Variants in KIRREL3 observed in about 807,000 individuals in gnomAD.
KIRREL3 encodes the protein kin of IRRE-like protein 3.
A neutral mutation model predicts 89.7 loss-of-function variants in KIRREL3; 36 were observed. The ratio of observed to expected loss-of-function variants is 0.40; its 90% confidence interval spans 0.31 to 0.53. KIRREL3 has a LOEUF of 0.53. KIRREL3 is among the 20% of genes least tolerant of loss of function. KIRREL3 has a pLI of 0.49. For missense variants in KIRREL3, 864 were observed against 1,056.6 expected, an observed-to-expected ratio of 0.82 and a Z score of 2.53; for synonymous variants, 445 against 441.4, an observed-to-expected ratio of 1.01 and a Z score of -0.10.
At chr11:126,911,844 G>A (rs1287988565) in intron 1 of KIRREL3, among the ~76,000 whole-genome samples, 4 of 152,068 alleles carry the variant, frequency 2.6e-5, no homozygotes, top group Non-Finnish European at 4.4e-5. Flanking sequence ...TTAGCCGGGC[G>A]CGGTGGCGGG....
At chr11:126,818,624 A>AGTGT (rs758712840) in intron 1 of KIRREL3, among the ~76,000 whole-genome samples, 5,272 of 56,460 alleles carry the variant, frequency 0.093, 131 homozygotes, top group Non-Finnish European at 0.11. Context: ...TAGTAGTAGT[A>AGTGT]GTGTGTGTGT....
At chr11:126,813,296 A>G (rs1951449555) in intron 1 of KIRREL3, among the ~76,000 whole-genome samples, 1 of 152,182 alleles carries the variant, frequency 6.6e-6, no homozygotes, top group African/African-American at 2.4e-5. Context: ...GATTCACTTC[A>G]AAATCATTAA....
rs1938655390 is a variant in KIRREL3 at position 126,544,803 on chromosome 11, T to C, written c.133+18032A>G. Among the ~76,000 whole-genome samples the C allele has an allele frequency of 6.6e-6, 1 of 152,158 alleles. No individual in the cohort carries two copies. The highest frequency in any genetic ancestry group is 1.5e-5 in the Non-Finnish European group (1 of 68,032). ...CCGTTGCTGCCTGGGAAGCAGCCAT[T>C]CCTGGACACTTGGCCGACATTCCTG... On this transcript the variant is annotated intron_variant, in intron 2 of 16. Transcript: ENST00000525144. This position sits in a 1 kb window ranked among gnomAD's most constrained non-coding sequence, Gnocchi z 5.6.
Position 126,655,335 on chromosome 11 carries a change from G to T in KIRREL3, c.56-92423C>A, listed in dbSNP as rs777474248. Among the ~76,000 whole-genome samples the T allele has an allele frequency of 6.6e-6, 1 of 152,180 alleles. No homozygotes were observed. The highest frequency in any genetic ancestry group is 6.5e-5 in the Admixed American group (1 of 15,288). ...TTAGGTCAGGGCTTGCAGAGGCAGG[G>T]ACTTGCCAAGGTGCTAACTGCCTGA... On this transcript the variant is annotated intron_variant, in intron 1 of 16. Transcript: ENST00000525144. This position sits in a 1 kb window ranked among gnomAD's most constrained non-coding sequence, Gnocchi z 5.0.
Position 126,891,817 on chromosome 11 carries a change from T to G in KIRREL3, c.55+108638A>C, listed in dbSNP as rs1006747949. On this transcript the variant is annotated intron_variant, in intron 1 of 16. Transcript: ENST00000525144. The surrounding 1 kb of genome is among the most constrained non-coding windows in gnomAD (Gnocchi z 5.1). ...GTGGACACAATCCAGGACTTCCCAG[T>G]GAGGTCTGTCTTTTCTTTGAAAGGG... Among the ~76,000 whole-genome samples, 3 of 152,194 alleles carry G rather than the reference T, an allele frequency of 2.0e-5. No individual in the cohort carries two copies. The highest frequency in any genetic ancestry group is 2.9e-5 in the Non-Finnish European group (2 of 68,032).
chr11:126,793,265 T>C (rs1405614969), intron 1 of KIRREL3, among the ~76,000 whole-genome samples: 1 of 152,172 alleles, frequency 6.6e-6, no homozygotes, highest in Non-Finnish European at 1.5e-5. Flanking sequence ...GGGGCTTTCT[T>C]GTTGTATTCA....
At position 126,565,503 on chromosome 11, in the gene KIRREL3, C is replaced by T. The variant is rs1437077681; in HGVS notation, c.56-2591G>A. Among the ~76,000 whole-genome samples, 9 of 152,218 alleles carry T rather than the reference C, an allele frequency of 5.9e-5. No individual in the cohort carries two copies. The highest frequency in any genetic ancestry group is 5.8e-4 in the East Asian group (3 of 5,176). ...CGTGGGTTAGTCTTAATTATTTAGG[C>T]GGCTACGTTACAAGGCGCTAATAAG... is the stretch of plus-strand genomic sequence containing the variant. On this transcript the variant is annotated intron_variant, in intron 1 of 16. Transcript: ENST00000525144. The surrounding 1 kb of genome is among the most constrained non-coding windows in gnomAD (Gnocchi z 5.4).
At chr11:126,688,256 T>A (rs189973343) in intron 1 of KIRREL3, among the ~76,000 whole-genome samples, 2 of 152,220 alleles carry the variant, frequency 1.3e-5, no homozygotes, top group African/African-American at 4.8e-5. Context: ...TCAATCACCT[T>A]CCTTTTCCAT....
intron 1 of KIRREL3, among the ~76,000 whole-genome samples, chr11:126,602,744 C>T (rs1330599857): frequency 6.6e-6 from 1 of 152,202 alleles, no homozygotes; most frequent in Non-Finnish European, 1.5e-5. Flanking sequence ...CTTGGCACCA[C>T]GGCCTTGATA....
chr11:126,868,632 CG>C (rs1182490267), intron 1 of KIRREL3, among the ~76,000 whole-genome samples: 1 of 152,096 alleles, frequency 6.6e-6, no homozygotes, highest in Non-Finnish European at 1.5e-5. Context: ...ACTATAAGCC[CG>C]GATTCTATCC....
chr11:126,511,762 T>C (rs1958229656), intron 4 of KIRREL3, among the ~76,000 whole-genome samples: 1 of 152,226 alleles, frequency 6.6e-6, no homozygotes, highest in Admixed American at 6.5e-5. Context: ...AAGGCTTCCA[T>C]TTAGTGGCAT....
chr11:126,743,539 G>C (rs1460836599), intron 1 of KIRREL3, among the ~76,000 whole-genome samples: 2 of 152,214 alleles, frequency 1.3e-5, no homozygotes, highest in Non-Finnish European at 2.9e-5. Context: ...CACTATATAA[G>C]GCAAATGGGG....
Position 126,687,472 on chromosome 11 carries a change from C to T in KIRREL3, c.56-124560G>A, listed in dbSNP as rs1946709759. 1.3e-5 allele frequency among the ~76,000 whole-genome samples: 2 copies of T among 152,154 alleles called. No individual in the cohort carries two copies. The highest frequency in any genetic ancestry group is 4.8e-5 in the African/African-American group (2 of 41,428). On this transcript the variant is annotated intron_variant, in intron 1 of 16. Coordinates refer to ENST00000525144, the MANE Select transcript of KIRREL3 (RefSeq NM_032531.4). This position sits in a 1 kb window ranked among gnomAD's most constrained non-coding sequence, Gnocchi z 4.6. Reference sequence around the variant, plus strand: ...TCTCCTGTAAAGAATTCACAAAAATCCACACCAAAACCTCTAGATATTCCC... The same window carrying T: ...TCTCCTGTAAAGAATTCACAAAAATTCACACCAAAACCTCTAGATATTCCC...
At position 126,983,576 on chromosome 11, in the gene KIRREL3, A is replaced by AC. The variant is rs1436099056; in HGVS notation, c.55+16878_55+16879insG. Among the ~76,000 whole-genome samples the AC allele has an allele frequency of 6.6e-6, 1 of 152,178 alleles. No homozygotes were observed. Among genetic ancestry groups the AC allele is most frequent in the African/African-American group, 2.4e-5 (1 of 41,444 alleles). ...ATCAGAGTCAGTAGTAGGTGAGGTG[A>AC]AGATGGAAGCAAGAGGTTGGAGTGA... On this transcript the variant is annotated intron_variant, in intron 1 of 16. Transcript: ENST00000525144. The surrounding 1 kb of genome is among the most constrained non-coding windows in gnomAD (Gnocchi z 4.9).
chr11:126,715,184 A>G lies in KIRREL3; in HGVS notation c.56-152272T>C, dbSNP rs1947909863. Among the ~76,000 whole-genome samples the G allele has an allele frequency of 6.6e-6, 1 of 152,150 alleles. No homozygotes were observed. The highest frequency in any genetic ancestry group is 6.5e-5 in the Admixed American group (1 of 15,278). ...CGGATAATTGTTTATTTCCTCTTTC[A>G]AGGGAACTGTGTAGAGGAAGAAATC... On this transcript the variant is annotated intron_variant, in intron 1 of 16. Transcript: ENST00000525144. The surrounding 1 kb of genome is among the most constrained non-coding windows in gnomAD (Gnocchi z 4.4).
chr11:126,715,625 CAA>C lies in KIRREL3; in HGVS notation c.56-152715_56-152714del, dbSNP rs945659488. On this transcript the variant is annotated intron_variant, in intron 1 of 16. Coordinates refer to ENST00000525144, the MANE Select transcript of KIRREL3 (RefSeq NM_032531.4). The surrounding 1 kb of genome is among the most constrained non-coding windows in gnomAD (Gnocchi z 4.4). ...CGTGGACCATTTTGCAAATCAAAAA[CAA>C]GAGGAAAAGGGACTACAGCACGTGA... 5.9e-5 allele frequency among the ~76,000 whole-genome samples: 9 copies of C among 151,934 alleles called. No homozygotes were observed. Among genetic ancestry groups the C allele is most frequent in the African/African-American group, 1.9e-4 (8 of 41,350 alleles).
At chr11:126,479,995 C>T (rs991360266) in intron 4 of KIRREL3, among the ~76,000 whole-genome samples, 1 of 152,124 alleles carries the variant, frequency 6.6e-6, no homozygotes, top group Non-Finnish European at 1.5e-5. Context: ...CTGGGCATCC[C>T]CTGACTCACT....
chr11:126,442,349 C>CAA (rs1277385846), intron 10 of KIRREL3, among the ~76,000 whole-genome samples: 3 of 114,112 alleles, frequency 2.6e-5, no homozygotes, highest in African/African-American at 9.8e-5. Flanking sequence ...CACACACACA[C>CAA]ACACAAAACC....
rs1356310111 is a variant in KIRREL3 at position 126,708,651 on chromosome 11, C to G, written c.56-145739G>C. Reference sequence around the variant, plus strand: ...CACCGGCGAACTCGAGAGCCAAGAGCGGCACTCCCACCTGGGCACTCCTTG... The same window carrying G: ...CACCGGCGAACTCGAGAGCCAAGAGGGGCACTCCCACCTGGGCACTCCTTG... On this transcript the variant is annotated intron_variant, in intron 1 of 16. Coordinates refer to ENST00000525144, the MANE Select transcript of KIRREL3 (RefSeq NM_032531.4). This position sits in a 1 kb window ranked among gnomAD's most constrained non-coding sequence, Gnocchi z 5.7. 6.6e-6 allele frequency among the ~76,000 whole-genome samples: 1 copy of G among 152,170 alleles called. No individual in the cohort carries two copies. The highest frequency in any genetic ancestry group is 1.5e-5 in the Non-Finnish European group (1 of 68,018).
Sources: allele counts gnomAD v4.1 joint callset (sites outside exome capture counted in the v4.1 genomes callset), GRCh38; gene constraint gnomAD v4.1.1; non-coding constraint Gnocchi (gnomAD v3.1); transcripts MANE v1.5; gene names NCBI Gene and HGNC (gene_info 2026-07-23, HGNC 2026-07-21).